The following SLC39A11 variants were observed in gnomAD, a reference collection of about 807,000 sequenced individuals.
SLC39A11 encodes solute carrier family 39 member 11.
A neutral mutation model predicts 36.1 loss-of-function variants in SLC39A11; 33 were observed. The observed-to-expected ratio is 0.91, with a 90% CI of 0.69 to 1.22. The LOEUF is 1.22. SLC39A11 is among the 50% of genes most tolerant of loss of function. SLC39A11 has a pLI of 0.00. For synonymous variants in SLC39A11, 166 were observed against 170.3 expected (o/e 0.97, Z 0.20); for missense variants, 432 against 430.3 (o/e 1.00, Z -0.03).
chr17:72,828,220 T>A (rs1208111374), intron 6 of SLC39A11, among the ~76,000 whole-genome samples: 1 of 152,256 alleles, frequency 6.6e-6, no homozygotes, highest in African/African-American at 2.4e-5. Flanking sequence ...CTAAGGTGGC[T>A]AACCAGCTGA....
intron 7 of SLC39A11, among the ~76,000 whole-genome samples, chr17:72,718,718 G>A (rs1027371928): frequency 6.6e-6 from 1 of 152,166 alleles, no homozygotes; most frequent in African/African-American, 2.4e-5. Context: ...CACTTGCTGT[G>A]TGCTCTTGGA....
At chr17:72,732,114 C>T (rs7223064) in intron 7 of SLC39A11, among the ~76,000 whole-genome samples, 103,305 of 136,428 alleles carry the variant, frequency 0.76, 39,448 homozygotes, top group Middle Eastern at 0.83. Context: ...AGTGGTGAGA[C>T]CTCAGCTCAC....
At chr17:72,860,489 T>C (rs961925215) in intron 5 of SLC39A11, among the ~76,000 whole-genome samples, 3 of 152,160 alleles carry the variant, frequency 2.0e-5, no homozygotes, top group African/African-American at 7.2e-5. Flanking sequence ...GTTCCTCTCC[T>C]GGGGATTGTC....
At chr17:72,763,595 C>G (rs1159644137) in intron 6 of SLC39A11, among the ~76,000 whole-genome samples, 1 of 152,222 alleles carries the variant, frequency 6.6e-6, no homozygotes, top group African/African-American at 2.4e-5. Flanking sequence ...TGTTCACAAA[C>G]TCATCCTCCA....
At chr17:72,861,681 ATATAT>A (rs1357160711) in intron 5 of SLC39A11, among the ~76,000 whole-genome samples, 3 of 124,174 alleles carry the variant, frequency 2.4e-5, no homozygotes, top group African/African-American at 9.3e-5. Context: ...ATATATATAT[ATATAT>A]ATAAAATATA....
chr17:73,001,224 TTC>T (rs2089801982), intron 4 of SLC39A11, among the ~76,000 whole-genome samples: 1 of 150,552 alleles, frequency 6.6e-6, no homozygotes, highest in Admixed American at 6.7e-5. Context: ...TACCTTAGAG[TTC>T]TCTTTTTACC....
chr17:72,673,401 C>A (rs1270598334), intron 7 of SLC39A11, among the ~76,000 whole-genome samples: 18 of 152,178 alleles, frequency 1.2e-4, no homozygotes, highest in Non-Finnish European at 2.9e-5. Flanking sequence ...CCGTGCCCGG[C>A]CTCTTTCTCT....
At chr17:73,035,071 G>A (rs917657004) in intron 3 of SLC39A11, among the ~76,000 whole-genome samples, 4 of 152,132 alleles carry the variant, frequency 2.6e-5, no homozygotes, top group East Asian at 1.9e-4. Context: ...AAGAACAATC[G>A]GGAAATTGAA....
chr17:72,909,786 C>A (rs2082875101), intron 5 of SLC39A11, among the ~76,000 whole-genome samples: 1 of 146,654 alleles, frequency 6.8e-6, no homozygotes, highest in Non-Finnish European at 1.5e-5. Flanking sequence ...CGCTCTGTTG[C>A]CCAGGCTGGA....
At chr17:72,691,699 C>T (rs1445298763) in intron 7 of SLC39A11, among the ~76,000 whole-genome samples, 1 of 152,170 alleles carries the variant, frequency 6.6e-6, no homozygotes, top group East Asian at 1.9e-4. Context: ...AATAAAAATA[C>T]AGCTTGTGCA....
At chr17:72,652,777 T>C (rs530188221) in intron 7 of SLC39A11, among the ~76,000 whole-genome samples, 209 of 152,326 alleles carry the variant, frequency 1.4e-3, no homozygotes, top group African/African-American at 4.9e-3. Flanking sequence ...CATTTGCTCT[T>C]GTTGACACTT....
intron 7 of SLC39A11, among the ~76,000 whole-genome samples, chr17:72,664,682 T>C (rs1360087613): frequency 6.6e-6 from 1 of 152,230 alleles, no homozygotes; most frequent in African/African-American, 2.4e-5. Context: ...TGCTCCTGTG[T>C]TGAAGACACT....
intron 7 of SLC39A11, among the ~76,000 whole-genome samples, chr17:72,708,209 G>A (rs1425412131): frequency 2.6e-5 from 4 of 152,224 alleles, no homozygotes; most frequent in East Asian, 1.9e-4. Context: ...GGGTGTTTTT[G>A]TGAGGGCTTT....
At chr17:72,922,865 G>A (rs912266714) in intron 5 of SLC39A11, among the ~76,000 whole-genome samples, 16 of 149,350 alleles carry the variant, frequency 1.1e-4, no homozygotes, top group African/African-American at 3.9e-4. Flanking sequence ...CTACTCGGGA[G>A]GCTGAGGCAC....
intron 6 of SLC39A11, among the ~76,000 whole-genome samples, chr17:72,749,434 G>C (rs2075066258): frequency 6.6e-6 from 1 of 152,228 alleles, no homozygotes; most frequent in Admixed American, 6.5e-5. Flanking sequence ...ACAGGCTTAT[G>C]TTCTGGGGAA....
At chr17:72,742,167 C>A (rs963602009) in intron 6 of SLC39A11, among the ~76,000 whole-genome samples, 1 of 151,102 alleles carries the variant, frequency 6.6e-6, no homozygotes, top group African/African-American at 2.4e-5. Flanking sequence ...CGCGCCACTG[C>A]ACTCCAGCCT....
chr17:72,878,025 T>C (rs1374628180), intron 5 of SLC39A11, among the ~76,000 whole-genome samples: 1 of 130,848 alleles, frequency 7.6e-6, no homozygotes, highest in Non-Finnish European at 1.6e-5. Context: ...TGGGTCCATG[T>C]GTTCTCATTG....
intron 3 of SLC39A11, among the ~76,000 whole-genome samples, chr17:73,055,570 G>A (rs574155214): frequency 4.0e-5 from 6 of 151,434 alleles, no homozygotes; most frequent in South Asian, 2.1e-4. Context: ...TAGCTAGGAC[G>A]ACAGGCACAT....
At chr17:72,949,963 A>G (rs2085742445) in intron 4 of SLC39A11, among the ~76,000 whole-genome samples, 1 of 128,668 alleles carries the variant, frequency 7.8e-6, no homozygotes, top group Non-Finnish European at 1.6e-5. Context: ...ACACACACAC[A>G]CACACACACA....
Sources: gnomAD v4.1 joint callset for allele counts (sites outside exome capture counted in the v4.1 genomes callset) on GRCh38, gnomAD v4.1.1 for gene constraint, MANE v1.5 for transcripts, NCBI Gene and HGNC (gene_info 2026-07-23, HGNC 2026-07-21) for gene names.